Variants in SYNPR observed in about 807,000 individuals in gnomAD.
SYNPR encodes the protein synaptoporin.
In SYNPR, 23 loss-of-function variants were observed where a neutral mutation model predicts 32.9. The ratio of observed to expected loss-of-function variants is 0.70; its 90% CI spans 0.50 to 0.99. The LOEUF (loss-of-function observed/expected upper bound fraction) is 0.99. Among genes scored for constraint, SYNPR ranks in the 50% least tolerant of loss-of-function variants. The pLI is 0.00. For synonymous variants in SYNPR, 146 were observed against 135.9 expected (o/e 1.07, Z -0.52); for missense variants, 318 against 349.3 (o/e 0.91, Z 0.71).
chr3:63,278,006 C>T (rs71298644), upstream of SYNPR: 4,238 of 152,824 alleles, frequency 0.028, 81 homozygotes, highest in Non-Finnish European at 0.041. Flanking sequence ...CATCAGAACT[C>T]ACACAGATGT....
chr3:63,225,919 AC>A (rs1468948502), upstream of SYNPR, among the ~76,000 whole-genome samples: 2 of 152,188 alleles, frequency 1.3e-5, no homozygotes, highest in Admixed American at 6.5e-5. Context: ...CAAGGGACTA[AC>A]ATCAAGAATA....
At chr3:63,576,801 A>AG (rs1553648582) in intron 4 of SYNPR, among the ~76,000 whole-genome samples, 10 of 151,568 alleles carry the variant, frequency 6.6e-5, no homozygotes, top group South Asian at 2.1e-4. Flanking sequence ...AAAAAAAAAA[A>AG]AAAGAAAGAA....
intron 1 of SYNPR, among the ~76,000 whole-genome samples, chr3:63,248,665 C>A (rs9828367): frequency 0.014 from 2,176 of 152,152 alleles, 44 homozygotes; most frequent in African/African-American, 0.049. Flanking sequence ...GTTGTGGAAA[C>A]TGTTTGAGAC....
intron 2 of SYNPR, among the ~76,000 whole-genome samples, chr3:63,259,523 GC>G (rs1169127422): frequency 6.6e-6 from 1 of 151,928 alleles, no homozygotes; most frequent in Non-Finnish European, 1.5e-5. Context: ...AAATTCAACA[GC>G]CCTTCATGCT....
At chr3:63,334,761 C>G (rs569281624) in intron 2 of SYNPR, among the ~76,000 whole-genome samples, 16 of 152,264 alleles carry the variant, frequency 1.1e-4, no homozygotes, top group African/African-American at 3.8e-4. Context: ...TGAGCATTTT[C>G]TTTGATTTTT....
intron 2 of SYNPR, among the ~76,000 whole-genome samples, chr3:63,387,725 T>C (rs1419019924): frequency 6.6e-6 from 1 of 152,096 alleles, no homozygotes; most frequent in Admixed American, 6.6e-5. Context: ...GTGAGGGAAA[T>C]AGCAAGAAAG....
In SYNPR at chr3:63,423,027, A is replaced by T. The variant is rs1050969565; in HGVS notation, c.85-57805A>T. On this transcript the variant is annotated intron_variant, in intron 2 of 5. Coordinates refer to ENST00000478300, the MANE Select transcript of SYNPR (RefSeq NM_001130003.2). ...AAAAATCTAATGTCTAGAAAAACAC[A>T]TTGCAGATCGATTGTTCATTATGAT... Among the ~76,000 whole-genome samples the T allele has an allele frequency of 2.6e-5, 4 of 152,244 alleles. No individual in the cohort carries two copies. In the South Asian group the frequency reaches 6.2e-4, roughly 24 times the overall value.
intron 2 of SYNPR, among the ~76,000 whole-genome samples, chr3:63,436,238 T>C (rs1407029238): frequency 6.6e-6 from 1 of 152,004 alleles, no homozygotes; most frequent in East Asian, 1.9e-4. Context: ...ATGTGCAGGT[T>C]TGTTACATAT....
intron 3 of SYNPR, among the ~76,000 whole-genome samples, chr3:63,493,815 C>CAAAAAAAAAAAAAAAAAAA (rs3083190): frequency 1.3e-5 from 1 of 75,094 alleles, no homozygotes. Flanking sequence ...GACTCTGTCT[C>CAAAAAAAAAAAAAAAAAAA]AAAAAAAAAA....
chr3:63,315,169 G>C (rs890453446), intron 2 of SYNPR, among the ~76,000 whole-genome samples: 1 of 150,702 alleles, frequency 6.6e-6, no homozygotes, highest in Non-Finnish European at 1.5e-5. Context: ...CAGGTAGCGT[G>C]ATGCTTCCAG....
At chr3:63,341,361 G>C (rs1218510598) in intron 2 of SYNPR, among the ~76,000 whole-genome samples, 1 of 152,146 alleles carries the variant, frequency 6.6e-6, no homozygotes, top group Non-Finnish European at 1.5e-5. Flanking sequence ...ACTCATTTAG[G>C]TAAACACATA....
At chr3:63,466,750 G>A (rs1700689997) in intron 2 of SYNPR, among the ~76,000 whole-genome samples, 1 of 133,946 alleles carries the variant, frequency 7.5e-6, no homozygotes, top group Non-Finnish European at 1.5e-5. Flanking sequence ...GAGAGGGACA[G>A]AGAAAGTGTC....
At chr3:63,514,842 C>T (rs902421760) in intron 3 of SYNPR, among the ~76,000 whole-genome samples, 1 of 152,018 alleles carries the variant, frequency 6.6e-6, no homozygotes, top group Non-Finnish European at 1.5e-5. Flanking sequence ...CTTGTTTTCT[C>T]GGCGCATTTA....
Position 63,615,947 on chromosome 3 carries a change from C to G in SYNPR, c.*466C>G, listed in dbSNP as rs558433441. On this transcript the variant is annotated 3_prime_UTR_variant, in exon 6 of 6. Coordinates refer to ENST00000478300, the MANE Select transcript of SYNPR (RefSeq NM_001130003.2). The stretch of plus-strand genomic sequence containing the variant: ...TTTTAAGTCCTATAGGACTATGAGT[C>G]TCTAAGTTATTTGTTTCAGAAAATT... 6 of 152,274 alleles carry G rather than the reference C, an allele frequency of 3.9e-5. No homozygotes were observed. In the South Asian group the frequency reaches 1.2e-3, roughly 32 times the overall value. The allele number at this position is 152,274 out of a possible 1,614,324, so 9.4% of individuals were successfully genotyped here.
intron 1 of SYNPR, among the ~76,000 whole-genome samples, chr3:63,250,957 A>G (rs2086326453): frequency 6.6e-6 from 1 of 152,160 alleles, no homozygotes; most frequent in African/African-American, 2.4e-5. Context: ...AAAGACTTAA[A>G]AGTAAATAGA....
intron 2 of SYNPR, among the ~76,000 whole-genome samples, chr3:63,304,122 C>T (rs892235380): frequency 1.7e-4 from 26 of 151,964 alleles, no homozygotes; most frequent in Middle Eastern, 3.2e-3. Context: ...AGCAGTGATA[C>T]ATTTAAATGG....
intron 2 of SYNPR, among the ~76,000 whole-genome samples, chr3:63,336,686 G>C (rs1401989220): frequency 6.6e-6 from 1 of 151,628 alleles, no homozygotes; most frequent in Non-Finnish European, 1.5e-5. Context: ...AGTGATCTTG[G>C]ATTTGGTAAT....
intron 3 of SYNPR, among the ~76,000 whole-genome samples, chr3:63,519,450 C>T (rs1002828147): frequency 2.0e-5 from 3 of 152,078 alleles, no homozygotes; most frequent in Non-Finnish European, 4.4e-5. Context: ...TTCTTTTGTT[C>T]CCTGAGTTCC....
intron 3 of SYNPR, among the ~76,000 whole-genome samples, chr3:63,483,798 T>C (rs1022895835): frequency 5.3e-5 from 8 of 152,160 alleles, no homozygotes; most frequent in African/African-American, 1.9e-4. Flanking sequence ...ACTCAGCAAT[T>C]TGAAGTAGGA....
Sources: allele counts gnomAD v4.1 joint callset (sites outside exome capture counted in the v4.1 genomes callset), GRCh38; gene constraint gnomAD v4.1.1; transcripts MANE v1.5; gene names NCBI Gene and HGNC (gene_info 2026-07-23, HGNC 2026-07-21).